The following MYLK variants were observed in gnomAD, a reference collection of about 807,000 sequenced individuals.
The protein encoded by MYLK is myosin light chain kinase, smooth muscle.
MYLK carries 106 observed loss-of-function variants against 203.4 expected under a neutral mutation model. The ratio of observed to expected loss-of-function variants is 0.52; its 90% CI spans 0.45 to 0.61. MYLK has a LOEUF of 0.61. MYLK is among the 20% of genes least tolerant of loss of function. MYLK has a pLI of 0.00. For missense variants in MYLK, 2,072 were observed against 2,442.3 expected (o/e 0.85, Z 3.20); for synonymous variants, 867 against 959.5 (o/e 0.90, Z 1.78).
chr3:123,879,139 A>C (rs2033350293), intron 1 of MYLK, among the ~76,000 whole-genome samples: 1 of 152,174 alleles, frequency 6.6e-6, no homozygotes, highest in Admixed American at 6.5e-5. Context: ...CCAGAAACCC[A>C]AAAGTCTTCT....
intron 22 of MYLK, 21 bp from the exon 23 acceptor site, chr3:123,664,279 A>G: frequency 6.2e-7 from 1 of 1,614,134 alleles, no homozygotes; most frequent in South Asian, 1.1e-5. Flanking sequence ...AGGATGGAGC[A>G]GGTGCTGGAG....
intron 2 of MYLK, among the ~76,000 whole-genome samples, chr3:123,874,090 T>C (rs1223500885): frequency 1.3e-5 from 2 of 152,152 alleles, no homozygotes; most frequent in Non-Finnish European, 2.9e-5. Context: ...GACTTATAGA[T>C]TCAATGCAAT....
chr3:123,645,443 T>C (rs1336329186), intron 27 of MYLK, among the ~76,000 whole-genome samples: 1 of 152,196 alleles, frequency 6.6e-6, no homozygotes, highest in African/African-American at 2.4e-5. Context: ...AGCTTGGGGA[T>C]GTCTTACTGG....
intron 2 of MYLK, among the ~76,000 whole-genome samples, chr3:123,859,169 T>C (rs1005392112): frequency 6.6e-6 from 1 of 152,242 alleles, no homozygotes; most frequent in African/African-American, 2.4e-5. Flanking sequence ...TGCATTCTAA[T>C]GGCTTTCAAA....
intron 2 of MYLK, among the ~76,000 whole-genome samples, chr3:123,852,644 C>T (rs1370376792): frequency 3.3e-5 from 5 of 152,074 alleles, no homozygotes; most frequent in East Asian, 1.9e-4. Flanking sequence ...GTCTCGCTAG[C>T]GGTCTATCAA....
chr3:123,750,685 C>G (rs6438808), intron 5 of MYLK, among the ~76,000 whole-genome samples: 135,727 of 152,216 alleles, frequency 0.89, 62,446 homozygotes, highest in East Asian at 1. Context: ...TTCCCCAGCT[C>G]TAAACAGAAC....
intron 3 of MYLK, among the ~76,000 whole-genome samples, chr3:123,795,108 T>C (rs1302202414): frequency 6.6e-6 from 1 of 152,226 alleles, no homozygotes; most frequent in East Asian, 1.9e-4. Context: ...TACAGAATGG[T>C]GGTACATTTC....
intron 4 of MYLK, among the ~76,000 whole-genome samples, chr3:123,778,075 CAGA>C (rs1351897146): frequency 1.3e-5 from 2 of 152,070 alleles, no homozygotes; most frequent in East Asian, 1.9e-4. Flanking sequence ...ACCTCTACTC[CAGA>C]AGAAGATTCT....
At chr3:123,816,160 A>C (rs1417903636) in intron 3 of MYLK, among the ~76,000 whole-genome samples, 1 of 152,266 alleles carries the variant, frequency 6.6e-6, no homozygotes, top group East Asian at 1.9e-4. Context: ...GTATGCATTG[A>C]TGGCATACAT....
intron 3 of MYLK, among the ~76,000 whole-genome samples, chr3:123,825,144 C>CAA (rs11419461): frequency 7.6e-4 from 88 of 115,866 alleles, no homozygotes; most frequent in Middle Eastern, 5.2e-3. Flanking sequence ...CACCCTGTCT[C>CAA]AAAAAAAAAA....
chr3:123,851,666 C>G (rs967977215), intron 2 of MYLK, among the ~76,000 whole-genome samples: 1 of 152,090 alleles, frequency 6.6e-6, no homozygotes, highest in African/African-American at 2.4e-5. Context: ...GGGTTTTCTA[C>G]ATATACAATC....
chr3:123,771,263 T>G (rs968812933), intron 4 of MYLK, among the ~76,000 whole-genome samples: 7 of 152,224 alleles, frequency 4.6e-5, no homozygotes, highest in Non-Finnish European at 1.0e-4. Flanking sequence ...TTTTTTAAGT[T>G]AATTTTCTTA....
intron 12 of MYLK, among the ~76,000 whole-genome samples, chr3:123,724,001 C>T (rs1001138294): frequency 2.0e-5 from 3 of 152,138 alleles, no homozygotes; most frequent in Admixed American, 6.5e-5. Flanking sequence ...TTTACTGCAA[C>T]ATAGCCACAC....
rs1560073592 is a variant in MYLK at position 123,687,615 on chromosome 3, C to CCTTCCTTCCTTCCT, written c.3565+5119_3565+5120insAGGAAGGAAGGAAG. ...TCCTTCCTTCCTTCCTTCCTACCTT[C>CCTTCCTTCCTTCCT]ATTCCTTCCTTCCTTTCCTTCCTTC... On this transcript the variant is annotated intron_variant, in intron 19 of 33. Coordinates refer to ENST00000360304, the MANE Select transcript of MYLK (RefSeq NM_053025.4). 7.3e-5 allele frequency among the ~76,000 whole-genome samples: 11 copies of CCTTCCTTCCTTCCT among 150,272 alleles called. No homozygotes were observed. In the South Asian group the frequency reaches 1.1e-3, roughly 15 times the overall value.
At position 123,621,100 on chromosome 3, in the gene MYLK, G is replaced by A. The variant is rs373013776; in HGVS notation, c.5239-764C>T. On this transcript the variant is annotated intron_variant, in intron 31 of 33. Transcript: ENST00000360304. ...ACTTTGCTTCTCAGTGACTAGACTTGGGAGAGGAAAGAATTTCTGCTGAAA... is the reference window on the plus strand; with the variant it reads ...ACTTTGCTTCTCAGTGACTAGACTTAGGAGAGGAAAGAATTTCTGCTGAAA... The A allele has an allele frequency of 2.6e-5, 4 of 152,288 alleles. No homozygotes were observed. In the South Asian group the frequency reaches 8.3e-4, roughly 32 times the overall value. The allele number at this position is 152,288 out of a possible 1,614,324, so 9.4% of individuals were successfully genotyped here. A position where few individuals can be genotyped will look rare whatever the true frequency, so the allele number is the denominator to read the frequency against.
intron 27 of MYLK, among the ~76,000 whole-genome samples, chr3:123,646,588 G>C: frequency 6.6e-6 from 1 of 152,216 alleles, no homozygotes; most frequent in East Asian, 1.9e-4. Flanking sequence ...GGGAGGTGGA[G>C]GATTCAGGTG....
At position 123,620,586 on chromosome 3, in the gene MYLK, C is replaced by T. The variant is rs1311489984; in HGVS notation, c.5239-250G>A. The T allele has an allele frequency of 2.3e-6, 3 of 1,300,596 alleles. No individual in the cohort carries two copies. The African/African-American group carries it at 4.5e-5, about 19-fold the overall frequency. 80.6% of individuals were successfully genotyped at this position (1,300,596 alleles called of 1,614,324 possible). A position where few individuals can be genotyped will look rare whatever the true frequency, so the allele number is the denominator to read the frequency against. ...TGATGTGTGCGTTAATGTGACTAAA[C>T]AAGGTCAACATGAGACAAAAACCCT... On this transcript the variant is annotated intron_variant, in intron 31 of 33. Transcript: ENST00000360304.
chr3:123,858,958 A>G (rs2031660108), intron 2 of MYLK, among the ~76,000 whole-genome samples: 1 of 152,234 alleles, frequency 6.6e-6, no homozygotes, highest in Non-Finnish European at 1.5e-5. Flanking sequence ...GGTTATGCCC[A>G]TTGTATTTAT....
At chr3:123,857,028 CA>C in intron 2 of MYLK, among the ~76,000 whole-genome samples, 1 of 152,170 alleles carries the variant, frequency 6.6e-6, no homozygotes, top group South Asian at 2.1e-4. Flanking sequence ...TTTATGCAGC[CA>C]AAAAACACAT....
Sources: allele counts gnomAD v4.1 joint callset (sites outside exome capture counted in the v4.1 genomes callset), GRCh38; gene constraint gnomAD v4.1.1; transcripts MANE v1.5; gene names NCBI Gene and HGNC (gene_info 2026-07-23, HGNC 2026-07-21).